ARCN1: variants seen among roughly 807,000 people sequenced by gnomAD.
ARCN1 encodes coatomer subunit delta.
Under a neutral mutation model 60.4 loss-of-function variants are expected in ARCN1, and 5 were observed. That is an observed-to-expected ratio of 0.08 (90% CI 0.04 to 0.17). ARCN1 has a LOEUF of 0.17. Ranked by LOEUF, ARCN1 falls within the 10% of genes least tolerant of loss-of-function variation. ARCN1 has a pLI of 1.00. For missense variants in ARCN1, 464 were observed against 626.5 expected (o/e 0.74, Z 2.77); for synonymous variants, 224 against 220.0 (o/e 1.02, Z -0.16).
In ARCN1 at chr11:118,600,892, A is replaced by G. The variant is rs1939133080; in HGVS notation, c.*178A>G. 1 of 462,506 alleles carries G rather than the reference A, an allele frequency of 2.2e-6. No homozygotes were observed. The highest frequency in any genetic ancestry group is 3.8e-6 in the Non-Finnish European group (1 of 259,970). 28.7% of individuals were successfully genotyped at this position (462,506 alleles called of 1,614,324 possible). Reference sequence around the variant, plus strand: ...ACCCCCATGTTTCAGTGTCACAGAGACATTCTTTGATAAGGAAATGGCACA... The same window carrying G: ...ACCCCCATGTTTCAGTGTCACAGAGGCATTCTTTGATAAGGAAATGGCACA... On this transcript the variant is annotated 3_prime_UTR_variant, in exon 10 of 10. Transcript: ENST00000264028.
At chr11:118,589,590 T>G (rs1439589157) in intron 5 of ARCN1, among the ~76,000 whole-genome samples, 1 of 152,032 alleles carries the variant, frequency 6.6e-6, no homozygotes, top group Non-Finnish European at 1.5e-5. Flanking sequence ...GCTAATTTTG[T>G]TTTTGTATTT....
rs748079967 is a variant in ARCN1 at position 118,590,415 on chromosome 11, A to G, written c.893A>G (p.His298Arg). The part of the protein sequence containing the change: ...RDGGLQNMEL[H>R]GMIMLRISDD... ...GGAGGATTACAGAATATGGAGTTGC[A>G]TGGCATGATCATGCTTAGGATCTCA... The change falls in exon 6 of 10, where the codon CAT becomes CGT. Residue 298 changes from histidine (H) to arginine (R), a missense_variant. By Grantham distance (29) the His-to-Arg change is conservative (BLOSUM62 0). This residue lies in a region of ARCN1 where 359 missense variants were observed against 440.2 expected (regional missense o/e 0.82). Coordinates refer to ENST00000264028, the MANE Select transcript of ARCN1 (RefSeq NM_001655.5). 8.7e-6 allele frequency: 14 copies of G among 1,614,084 alleles called. No individual in the cohort carries two copies. In the Admixed American group the frequency reaches 2.2e-4, roughly 25 times the overall value.
chr11:118,578,367 C>T (rs1555074056), intron 1 of ARCN1, among the ~76,000 whole-genome samples: 1 of 151,972 alleles, frequency 6.6e-6, no homozygotes, highest in African/African-American at 2.4e-5. Flanking sequence ...TTGTTTCTAA[C>T]AGGTTTATTA....
At chr11:118,573,005 C>T (rs1430572789) in intron 1 of ARCN1, 1 of 176,908 alleles carries the variant, frequency 5.7e-6, no homozygotes, top group Non-Finnish European at 1.2e-5. Context: ...TTTGCTAGGC[C>T]GTTGATAACT....
At chr11:118,593,896 A>T (rs1555076742) in intron 8 of ARCN1, 198 bp downstream of exon 8, 1 of 416,950 alleles carries the variant, frequency 2.4e-6, no homozygotes, top group Non-Finnish European at 4.4e-6. Flanking sequence ...AGGTAATACT[A>T]TTGAATAAAA....
At chr11:118,592,142 A>G (rs1396167956) in intron 6 of ARCN1, among the ~76,000 whole-genome samples, 1 of 152,092 alleles carries the variant, frequency 6.6e-6, no homozygotes, top group Non-Finnish European at 1.5e-5. Flanking sequence ...GGCCAGGCTG[A>G]TGTCAAACTC....
Position 118,581,182 on chromosome 11 carries a change from G to A in ARCN1, c.4-64G>A, listed in dbSNP as rs1228595212. On this transcript the variant is annotated intron_variant, in intron 1 of 9. Coordinates refer to ENST00000264028, the MANE Select transcript of ARCN1 (RefSeq NM_001655.5). ...TATGTCATTCTATGGAACATTTCCT[G>A]AGATGCTGAGAAAACAGATGTGAAG... 1.9e-6 allele frequency: 3 copies of A among 1,577,052 alleles called. No individual in the cohort carries two copies. The Admixed American group carries it at 5.1e-5, about 27-fold the overall frequency.
chr11:118,593,533 C>T (rs1938959271), intron 7 of ARCN1, 57 bp from the exon 8 acceptor site: 1 of 1,268,176 alleles, frequency 7.9e-7, no homozygotes. Context: ...GCATGAGCCA[C>T]TGCACCCAGC....
At chr11:118,577,719 A>G (rs1292229208) in intron 1 of ARCN1, among the ~76,000 whole-genome samples, 4 of 152,230 alleles carry the variant, frequency 2.6e-5, no homozygotes, top group Non-Finnish European at 5.9e-5. Flanking sequence ...TGTAGGCAGA[A>G]TGCTAGCCTG....
chr11:118,601,978 C>A lies in ARCN1; in HGVS notation c.*1264C>A, dbSNP rs1336082684. The A allele has an allele frequency of 6.2e-6, 3 of 482,462 alleles. No individual in the cohort carries two copies. Among genetic ancestry groups the A allele is most frequent in the Non-Finnish European group, 7.4e-6 (2 of 268,744 alleles). 29.9% of individuals were successfully genotyped at this position (482,462 alleles called of 1,614,324 possible). A position where few individuals can be genotyped will look rare whatever the true frequency, so the allele number is the denominator to read the frequency against. On this transcript the variant is annotated 3_prime_UTR_variant, in exon 10 of 10. Coordinates refer to ENST00000264028, the MANE Select transcript of ARCN1 (RefSeq NM_001655.5). ...TTCACATTCCTCAGTTTCACCACCT[C>A]CCTCTTCCAGACTGCACTCTCTGTC...
At chr11:118,595,396 A>T (rs1175335052) in intron 8 of ARCN1, among the ~76,000 whole-genome samples, 4 of 152,244 alleles carry the variant, frequency 2.6e-5, no homozygotes, top group Admixed American at 2.6e-4. Context: ...ATTTCCTAAC[A>T]GCCCTTTTGG....
In ARCN1 at chr11:118,591,916, A is replaced by T. The variant is rs555720962; in HGVS notation, c.985-793A>T. Among the ~76,000 whole-genome samples, 880 of 150,422 alleles carry T rather than the reference A, an allele frequency of 5.9e-3. 12 individuals carry two copies. Among genetic ancestry groups the T allele is most frequent in the African/African-American group, 0.02 (828 of 40,852 alleles). On this transcript the variant is annotated intron_variant, in intron 6 of 9. Transcript: ENST00000264028. ...CACCCAGCTATTTATTTATTTATTT[A>T]TTTATTTATTTTTTATTTTTTGAGA...
intron 1 of ARCN1, among the ~76,000 whole-genome samples, chr11:118,576,426 T>TAAAAAAAAAAAA (rs10671866): frequency 1.8e-5 from 2 of 108,758 alleles, no homozygotes; most frequent in Non-Finnish European, 3.5e-5. Context: ...CCAAAAATGT[T>TAAAAAAAAAAAA]AAAAAAAAAA....
chr11:118,589,018 CAAA>C (rs1555075868), intron 5 of ARCN1, among the ~76,000 whole-genome samples: 1 of 146,180 alleles, frequency 6.8e-6, no homozygotes, highest in East Asian at 2.7e-4. Context: ...AACTCTATCT[CAAA>C]ACAACAACAA....
At chr11:118,580,823 A>C (rs1938633586) in intron 1 of ARCN1, among the ~76,000 whole-genome samples, 7 of 151,998 alleles carry the variant, frequency 4.6e-5, no homozygotes, top group Admixed American at 4.6e-4. Flanking sequence ...GTGCCCGTGA[A>C]AGTCAGTATT....
At chr11:118,583,422 A>C in intron 3 of ARCN1, 64 bp downstream of exon 3, 125 of 1,474,234 alleles carry the variant, frequency 8.5e-5, no homozygotes, top group Non-Finnish European at 1.0e-4. Context: ...CACTAATCTC[A>C]TTTTCCTATT....
chr11:118,591,148 G>A (rs1186537341), intron 6 of ARCN1, among the ~76,000 whole-genome samples: 1 of 152,208 alleles, frequency 6.6e-6, no homozygotes, highest in Non-Finnish European at 1.5e-5. Context: ...CAATATAAGT[G>A]TGTGTGTTCC....
intron 1 of ARCN1, chr11:118,572,778 A>C: frequency 2.1e-6 from 1 of 482,028 alleles, no homozygotes; most frequent in Non-Finnish European, 3.7e-6. Flanking sequence ...ACCACCCCCC[A>C]ACCAGCTGGA....
In ARCN1 at chr11:118,600,846, G is replaced by A; in HGVS notation, c.*132G>A. The A allele has an allele frequency of 1.7e-6, 1 of 604,968 alleles. No individual in the cohort carries two copies. Among genetic ancestry groups the A allele is most frequent in the East Asian group, 3.0e-5 (1 of 32,788 alleles). 37.5% of individuals were successfully genotyped at this position (604,968 alleles called of 1,614,324 possible). On this transcript the variant is annotated 3_prime_UTR_variant, in exon 10 of 10. Transcript: ENST00000264028. ...TTTCTGATACAATGCACGATTCTCT[G>A]CGCGCAAGGACCCTCGACTCACCCC... is the stretch of plus-strand genomic sequence containing the variant.
Sources: gnomAD v4.1 joint callset for allele counts (sites outside exome capture counted in the v4.1 genomes callset) on GRCh38, gnomAD v4.1.1 for gene constraint, gnomAD v4.1.1 regional missense constraint, MANE v1.5 for transcripts, NCBI Gene and HGNC (gene_info 2026-07-23, HGNC 2026-07-21) for gene names.